DNAH17: variants seen among roughly 807,000 people sequenced by gnomAD.
DNAH17 encodes axonemal beta dynein heavy chain 17.
DNAH17 carries 376 observed loss-of-function variants against 485.6 expected under a neutral mutation model. The observed-to-expected ratio is 0.77, with a 90% CI of 0.71 to 0.84. The LOEUF (loss-of-function observed/expected upper bound fraction) is 0.84. Ranked by LOEUF, DNAH17 falls within the 40% of genes least tolerant of loss-of-function variation. The pLI, the probability that DNAH17 is intolerant of heterozygous loss-of-function variation, is 0.00. For missense variants in DNAH17, 6,370 were observed against 5,839.3 expected (o/e 1.09, Z -2.96); for synonymous variants, 3,031 against 2,405.9 (o/e 1.26, Z -7.60).
At chr17:78,571,069 G>A (rs781047450) in intron 5 of DNAH17, 36 bp from the exon 6 acceptor site, 2 of 1,540,106 alleles carry the variant, frequency 1.3e-6, no homozygotes, top group South Asian at 2.4e-5. Context: ...ACCGGTAAGA[G>A]AGCAGAAATT....
At chr17:78,550,400 C>T (rs895343643) in intron 16 of DNAH17, among the ~76,000 whole-genome samples, 3 of 152,284 alleles carry the variant, frequency 2.0e-5, no homozygotes, top group South Asian at 4.1e-4. Context: ...CCCCCAAATC[C>T]GTGTGTAGGG....
chr17:78,571,974 G>A (rs537667703), intron 3 of DNAH17, among the ~76,000 whole-genome samples, 192 bp from the exon 4 acceptor site: 11 of 152,300 alleles, frequency 7.2e-5, no homozygotes, highest in Admixed American at 4.6e-4. Context: ...TAGGAAGAGA[G>A]CCCAGGGAAA....
chr17:78,455,558 C>T, intron 63 of DNAH17, 86 bp downstream of exon 63: 1 of 1,063,278 alleles, frequency 9.4e-7, no homozygotes. Context: ...AACTCCTGGC[C>T]TCAAGTAATC....
In DNAH17 at chr17:78,502,889, G is replaced by T. The variant is rs897558379; in HGVS notation, c.5079C>A (p.Ala1693=). The change falls in exon 32 of 81, where the codon GCC becomes GCA. Residue 1693 remains alanine (A), a synonymous_variant. Coordinates refer to ENST00000389840, the MANE Select transcript of DNAH17 (RefSeq NM_173628.4). The part of the protein sequence containing the change: ...PREQWILDYP[A]QVALTCTQIW... Reference sequence around the variant, plus strand: ...CGAGCCCCCACCCGCCTCAGACCTGGGCTGGGTAGTCCAGGATCCACTGCT... The same window carrying T: ...CGAGCCCCCACCCGCCTCAGACCTGTGCTGGGTAGTCCAGGATCCACTGCT... 2.5e-6 allele frequency: 4 copies of T among 1,613,774 alleles called. No homozygotes were observed. Among genetic ancestry groups the T allele is most frequent in the Non-Finnish European group, 3.4e-6 (4 of 1,179,868 alleles).
chr17:78,561,668 G>A (rs774616124), intron 12 of DNAH17, 47 bp downstream of exon 12: 44 of 1,554,288 alleles, frequency 2.8e-5, no homozygotes, highest in South Asian at 1.2e-4. Flanking sequence ...TCGCTCTCCC[G>A]CACCATGGAG....
At chr17:78,481,396 C>T (rs2089345273) in intron 48 of DNAH17, among the ~76,000 whole-genome samples, 1 of 152,174 alleles carries the variant, frequency 6.6e-6, no homozygotes, top group African/African-American at 2.4e-5. Flanking sequence ...GTCTTAAAAA[C>T]CCTCCACAGA....
intron 14 of DNAH17, among the ~76,000 whole-genome samples, chr17:78,555,565 AAG>A (rs1491013227): frequency 1.3e-5 from 2 of 150,712 alleles, no homozygotes; most frequent in African/African-American, 4.9e-5. Context: ...AAAAAAAAAA[AAG>A]AGGCAAGAAG....
intron 54 of DNAH17, chr17:78,472,890 C>T (rs2146584036): frequency 1.4e-5 from 5 of 356,578 alleles, no homozygotes; most frequent in South Asian, 9.8e-5. Context: ...TGTCCTAGAA[C>T]ACTACCACAT....
At chr17:78,524,647 A>G (rs1227003488) in intron 25 of DNAH17, among the ~76,000 whole-genome samples, 1 of 152,064 alleles carries the variant, frequency 6.6e-6, no homozygotes, top group Non-Finnish European at 1.5e-5. Context: ...AGTTTATGGG[A>G]TTTTGTTAGA....
At position 78,507,580 on chromosome 17, in the gene DNAH17, T is replaced by C. The variant is rs1225994772; in HGVS notation, c.4462A>G (p.Ile1488Val). The change falls in exon 28 of 81, where the codon ATC becomes GTC. Residue 1488 changes from isoleucine (I) to valine (V), a missense_variant. By Grantham distance (29) the Ile-to-Val change is conservative. Coordinates refer to ENST00000389840, the MANE Select transcript of DNAH17 (RefSeq NM_173628.4). ...KLSTADSVIS[I>V]WFEVQRTWSH... ...CAGGTTCGCTGGACCTCAAACCAGA[T>C]GGAGATGACGGAGTCCGCCGTGGAC... is the stretch of plus-strand genomic sequence containing the variant. The C allele has an allele frequency of 6.2e-7, 1 of 1,614,168 alleles. No homozygotes were observed. Among genetic ancestry groups the C allele is most frequent in the Non-Finnish European group, 8.5e-7 (1 of 1,179,994 alleles).
intron 75 of DNAH17, among the ~76,000 whole-genome samples, chr17:78,430,488 T>C (rs888543554): frequency 2.1e-4 from 32 of 152,228 alleles, no homozygotes; most frequent in Non-Finnish European, 5.9e-5. Context: ...AGAGCTGTCA[T>C]CAAATACCAG....
intron 58 of DNAH17, among the ~76,000 whole-genome samples, 185 bp from the exon 59 acceptor site, chr17:78,460,442 A>G (rs1304486735): frequency 6.6e-6 from 1 of 152,066 alleles, no homozygotes; most frequent in Non-Finnish European, 1.5e-5. Context: ...CCATGTGCAT[A>G]TGTGCATGTG....
At chr17:78,443,189 G>T (rs1365620782) in intron 71 of DNAH17, among the ~76,000 whole-genome samples, 3 of 152,218 alleles carry the variant, frequency 2.0e-5, no homozygotes, top group Non-Finnish European at 4.4e-5. Flanking sequence ...GCTCTCAGGA[G>T]ATGGGGAAGG....
chr17:78,463,593 T>C (rs979756749), intron 56 of DNAH17, among the ~76,000 whole-genome samples: 1 of 152,242 alleles, frequency 6.6e-6, no homozygotes, highest in Non-Finnish European at 1.5e-5. Flanking sequence ...CATACCTGCC[T>C]ATATGCACGT....
chr17:78,525,284 T>A lies in DNAH17; in HGVS notation c.3712-123A>T. The stretch of plus-strand genomic sequence containing the variant: ...CTGATAAACCTTCTGGGAGGAGGTG[T>A]CCATACAACGGTGTCCCACCTGGAG... On this transcript the variant is annotated intron_variant, in intron 24 of 80. Transcript: ENST00000389840. 7 of 1,386,200 alleles carry A rather than the reference T, an allele frequency of 5.0e-6. No individual in the cohort carries two copies. In the African/African-American group the frequency reaches 7.1e-5, roughly 14 times the overall value. 85.9% of individuals were successfully genotyped at this position (1,386,200 alleles called of 1,614,324 possible).
rs552130882 is a variant in DNAH17, at chr17:78,534,065, T to A, written c.2860-1329A>T. On this transcript the variant is annotated intron_variant, in intron 19 of 80. Transcript: ENST00000389840. ...CCGGCCTTTCCCAGGGCTAGGCAAT[T>A]CTTTGAGATAGCAAAAGGCTCATCT... 3.9e-5 allele frequency among the ~76,000 whole-genome samples: 6 copies of A among 152,326 alleles called. No homozygotes were observed. In the East Asian group the frequency reaches 5.8e-4, roughly 15 times the overall value.
At chr17:78,495,186 C>A (rs1261821642) in intron 38 of DNAH17, 89 bp from the exon 39 acceptor site, 2 of 1,438,978 alleles carry the variant, frequency 1.4e-6, no homozygotes, top group Non-Finnish European at 1.9e-6. Flanking sequence ...GGAGAGCACA[C>A]CTCGACTGCC....
intron 71 of DNAH17, among the ~76,000 whole-genome samples, chr17:78,444,260 G>A (rs150521333): frequency 3.8e-4 from 58 of 152,274 alleles, no homozygotes; most frequent in African/African-American, 1.2e-3. Context: ...GGAGGCTCAT[G>A]TGGGGAGTCT....
At position 78,560,898 on chromosome 17, in the gene DNAH17, T is replaced by G; in HGVS notation, c.1873A>C (p.Lys625Gln). Reference protein sequence around the residue: ...SGAEAKLTYQKYDEMMELLRC... With the variant: ...SGAEAKLTYQQYDEMMELLRC... ...AGCAGCTCCATCATCTCGTCATACT[T>G]CTGATAGGTCAGCTTGGCCTCTGCT... Residue 625 changes from lysine to glutamine, a missense_variant, in exon 13 of 81, where the codon AAG becomes CAG. Physicochemically the swap from Lys to Gln is moderately conservative, Grantham distance 53 (BLOSUM62 1). Transcript: ENST00000389840. 1 of 1,551,282 alleles carries G rather than the reference T, an allele frequency of 6.4e-7. No individual in the cohort carries two copies. The highest frequency in any genetic ancestry group is 8.7e-7 in the Non-Finnish European group (1 of 1,147,120).
Sources: allele counts gnomAD v4.1 joint callset (sites outside exome capture counted in the v4.1 genomes callset), GRCh38; gene constraint gnomAD v4.1.1; transcripts MANE v1.5; gene names NCBI Gene and HGNC (gene_info 2026-07-23, HGNC 2026-07-21).